PLXNC1: variants seen among roughly 807,000 people sequenced by gnomAD.
The protein encoded by PLXNC1 is plexin C1.
In PLXNC1, 75 loss-of-function variants were observed where a neutral mutation model predicts 178.2. That is an observed-to-expected ratio of 0.42 (90% CI 0.35 to 0.51). The LOEUF (loss-of-function observed/expected upper bound fraction) is 0.51, where lower values mean the gene tolerates loss of function less well. Among genes scored for constraint, PLXNC1 ranks in the 20% least tolerant of loss-of-function variants. The pLI is 0.02. For synonymous variants in PLXNC1, 790 were observed against 779.9 expected, an observed-to-expected ratio of 1.01 and a Z score of -0.22; for missense variants, 1,503 against 1,984.4, an observed-to-expected ratio of 0.76 and a Z score of 4.61.
At chr12:94,293,894 G>A (rs1010910107) in intron 23 of PLXNC1, among the ~76,000 whole-genome samples, 17 of 152,062 alleles carry the variant, frequency 1.1e-4, no homozygotes, top group South Asian at 2.1e-4. Context: ...TGCTGGGATC[G>A]CAGGAGTGAG....
rs1011847283 is a variant in PLXNC1 at position 94,297,532 on chromosome 12, AG to A, written c.4074+110del. 6 of 733,812 alleles carry A rather than the reference AG, an allele frequency of 8.2e-6. No homozygotes were observed. The African/African-American group carries it at 8.9e-5, about 11-fold the overall frequency. 45.5% of individuals were successfully genotyped at this position (733,812 alleles called of 1,614,324 possible). A position where few individuals can be genotyped will look rare whatever the true frequency, so the allele number is the denominator to read the frequency against. On this transcript the variant is annotated intron_variant, in intron 26 of 30. Transcript: ENST00000258526. ...ATGTTACAAATCCCTTGTGCCTTCT[AG>A]CAAAGCAAAATGAAAGTTTAAATTG...
intron 2 of PLXNC1, among the ~76,000 whole-genome samples, chr12:94,170,771 T>G (rs1471331809): frequency 6.6e-6 from 1 of 152,188 alleles, no homozygotes; most frequent in Non-Finnish European, 1.5e-5. Context: ...CAGTAACATA[T>G]GGGAGGGAGT....
chr12:94,160,549 C>G (rs1350339939), intron 1 of PLXNC1, among the ~76,000 whole-genome samples: 4 of 152,184 alleles, frequency 2.6e-5, no homozygotes, highest in Admixed American at 2.6e-4. Flanking sequence ...GCTCCTTTCT[C>G]TATCATTGAC....
chr12:94,263,806 A>T (rs1434178911), intron 20 of PLXNC1, among the ~76,000 whole-genome samples: 1 of 152,066 alleles, frequency 6.6e-6, no homozygotes, highest in Non-Finnish European at 1.5e-5. Flanking sequence ...CACAGCAGGG[A>T]TAGAAGCTGC....
In PLXNC1 at chr12:94,149,265, GC is replaced by G; in HGVS notation, c.298del (p.Arg100GlyfsTer43). 1 of 1,532,678 alleles carries G rather than the reference GC, an allele frequency of 6.5e-7. No individual in the cohort carries two copies. 94.9% of individuals were successfully genotyped at this position (1,532,678 alleles called of 1,614,324 possible). On this transcript the variant is annotated frameshift_variant, in exon 1 of 31. Transcript: ENST00000258526. LOFTEE classifies it high-confidence loss of function. Reference sequence around the variant, plus strand: ...CGGTCTCGCTGGCGCCCCCCGCGCGGCCCCGGCCCGGGAGCAGCTTCAGCAA... The same window carrying G: ...CGGTCTCGCTGGCGCCCCCCGCGCGGCCCGGCCCGGGAGCAGCTTCAGCAA... ...EPVSLAPPAR[P>X]RPGSSFSKLL...
At position 94,278,545 on chromosome 12, in the gene PLXNC1, A is replaced by G. The variant is rs763625353; in HGVS notation, c.3598-927A>G. On this transcript the variant is annotated intron_variant, in intron 21 of 30. Coordinates refer to ENST00000258526, the MANE Select transcript of PLXNC1 (RefSeq NM_005761.3). ...GGAGAATGTTCACTGACAAAATGTT[A>G]AGTAATGGTGCTGAAATGTAAAGTA... is the stretch of plus-strand genomic sequence containing the variant. Among the ~76,000 whole-genome samples, 56 of 152,212 alleles carry G rather than the reference A, an allele frequency of 3.7e-4. 1 individual carries two copies. Among genetic ancestry groups the G allele is most frequent in the Admixed American group, 2.6e-3 (39 of 15,280 alleles).
At chr12:94,287,691 G>A (rs1966867346) in intron 23 of PLXNC1, among the ~76,000 whole-genome samples, 1 of 152,200 alleles carries the variant, frequency 6.6e-6, no homozygotes, top group Non-Finnish European at 1.5e-5. Flanking sequence ...AAGCTCATAG[G>A]AATGCCCCAA....
chr12:94,172,853 T>G (rs541093026), intron 2 of PLXNC1, among the ~76,000 whole-genome samples: 1 of 152,348 alleles, frequency 6.6e-6, no homozygotes, highest in East Asian at 1.9e-4. Flanking sequence ...ACTGATAATC[T>G]GTGAAGAAAC....
At chr12:94,202,793 A>T (rs1208578694) in intron 4 of PLXNC1, among the ~76,000 whole-genome samples, 1 of 152,186 alleles carries the variant, frequency 6.6e-6, no homozygotes, top group Non-Finnish European at 1.5e-5. Context: ...AGACTCATCA[A>T]CCAAACTTAC....
At chr12:94,229,591 G>A (rs2136034355) in intron 9 of PLXNC1, among the ~76,000 whole-genome samples, 1 of 152,234 alleles carries the variant, frequency 6.6e-6, no homozygotes, top group East Asian at 1.9e-4. Flanking sequence ...TAAGAAATGG[G>A]TCTAACTTCA....
At chr12:94,258,160 A>C (rs542775672) in intron 17 of PLXNC1, among the ~76,000 whole-genome samples, 1 of 152,322 alleles carries the variant, frequency 6.6e-6, no homozygotes, top group African/African-American at 2.4e-5. Context: ...ACACACAGAG[A>C]GAACCAGGGC....
intron 1 of PLXNC1, among the ~76,000 whole-genome samples, chr12:94,160,125 G>T (rs1449950669): frequency 6.6e-6 from 1 of 152,112 alleles, no homozygotes; most frequent in African/African-American, 2.4e-5. Flanking sequence ...CTTAGAGTGT[G>T]CCAGGCCCTG....
chr12:94,199,740 G>A (rs1963049832), intron 4 of PLXNC1, among the ~76,000 whole-genome samples: 1 of 152,180 alleles, frequency 6.6e-6, no homozygotes, highest in Non-Finnish European at 1.5e-5. Flanking sequence ...AGTTGGCACT[G>A]GGAAAGTGCT....
Position 94,251,451 on chromosome 12 carries a change from A to G in PLXNC1, c.2804A>G (p.Tyr935Cys), listed in dbSNP as rs943569701. ...GTCAAGCTGGGAAACCTGGAGCTCT[A>G]CGTCGAGCAGGAGTCAGTTCCTTCC... Reference protein sequence around the residue: ...VRVKLGNLELYVEQESVPSTW... With the variant: ...VRVKLGNLELCVEQESVPSTW... The change falls in exon 15 of 31, where the codon TAC becomes TGC. Residue 935 changes from tyrosine (Y) to cysteine (C), a missense_variant. This residue lies in a region of PLXNC1 where 639 missense variants were observed against 979.7 expected (regional missense o/e 0.65). Transcript: ENST00000258526. The G allele has an allele frequency of 1.9e-6, 3 of 1,612,846 alleles. No homozygotes were observed. Among genetic ancestry groups the G allele is most frequent in the Non-Finnish European group, 2.5e-6 (3 of 1,178,764 alleles).
intron 2 of PLXNC1, among the ~76,000 whole-genome samples, chr12:94,177,189 ATATATATATACG>A (rs1565794389): frequency 8.3e-4 from 7 of 8,472 alleles, no homozygotes; most frequent in Non-Finnish European, 8.4e-4. Flanking sequence ...ATATATATGT[ATATATATATACG>A]TATATATATA....
intron 21 of PLXNC1, among the ~76,000 whole-genome samples, chr12:94,273,140 A>G (rs1378626778): frequency 6.6e-6 from 1 of 152,268 alleles, no homozygotes; most frequent in Non-Finnish European, 1.5e-5. Context: ...TGAGGATTGA[A>G]TGAACCTATA....
At chr12:94,251,554 G>C (rs1320562766) in intron 15 of PLXNC1, 26 bp downstream of exon 15, 1 of 1,426,480 alleles carries the variant, frequency 7.0e-7, no homozygotes, top group Non-Finnish European at 9.9e-7. Context: ...AATTTTGTCA[G>C]AGAAATTATT....
chr12:94,250,911 G>A (rs1688786845), intron 14 of PLXNC1, among the ~76,000 whole-genome samples: 1 of 152,074 alleles, frequency 6.6e-6, no homozygotes, highest in African/African-American at 2.4e-5. Flanking sequence ...CCAGCTACTT[G>A]GGAGGCTGAG....
chr12:94,168,957 C>G (rs1024229902), intron 1 of PLXNC1, among the ~76,000 whole-genome samples, 196 bp from the exon 2 acceptor site: 1 of 152,046 alleles, frequency 6.6e-6, no homozygotes, highest in African/African-American at 2.4e-5. Context: ...CAGGGGTTTT[C>G]TTTGGTTGGG....
Sources: gnomAD v4.1 joint callset for allele counts (sites outside exome capture counted in the v4.1 genomes callset) on GRCh38, gnomAD v4.1.1 for gene constraint, gnomAD v4.1.1 regional missense constraint, MANE v1.5 for transcripts, NCBI Gene and HGNC (gene_info 2026-07-23, HGNC 2026-07-21) for gene names.